Variants in NKAIN1 observed in about 807,000 individuals in gnomAD.
NKAIN1 encodes the protein sodium/potassium transporting ATPase interacting 1.
NKAIN1 carries 13 observed loss-of-function variants against 31.6 expected under a neutral mutation model. The ratio of observed to expected loss-of-function variants is 0.41; its 90% confidence interval spans 0.27 to 0.65. The LOEUF (loss-of-function observed/expected upper bound fraction) is 0.65. Among genes scored for constraint, NKAIN1 ranks in the 30% least tolerant of loss-of-function variants. The pLI is 0.30. For synonymous variants in NKAIN1, 104 were observed against 109.0 expected, an observed-to-expected ratio of 0.95 and a Z score of 0.28; for missense variants, 193 against 262.2, an observed-to-expected ratio of 0.74 and a Z score of 1.82.
At chr1:31,205,617 T>TTG (rs1384656532) in intron 1 of NKAIN1, among the ~76,000 whole-genome samples, 2 of 141,340 alleles carry the variant, frequency 1.4e-5, no homozygotes, top group Non-Finnish European at 3.1e-5. Flanking sequence ...GGACAAGTTT[T>TTG]TTTTTTTTTT....
chr1:31,203,528 A>C (rs946747352), intron 1 of NKAIN1, among the ~76,000 whole-genome samples: 2 of 151,464 alleles, frequency 1.3e-5, no homozygotes, highest in Admixed American at 1.3e-4. Context: ...GAATGGGATT[A>C]TGGGGGCCTT....
intron 3 of NKAIN1, 39 bp downstream of exon 3, chr1:31,185,208 C>A: frequency 6.5e-7 from 1 of 1,549,828 alleles, no homozygotes; most frequent in South Asian, 1.2e-5. Flanking sequence ...TGGGAATGGT[C>A]AGGCTCTGCC....
At chr1:31,196,382 G>A (rs75459161) in intron 1 of NKAIN1, among the ~76,000 whole-genome samples, 2,847 of 151,938 alleles carry the variant, frequency 0.019, 72 homozygotes, top group African/African-American at 0.065. Context: ...GCGTGGTGGC[G>A]GGCGCCTGTA....
chr1:31,196,512 C>A (rs376489258), intron 1 of NKAIN1, among the ~76,000 whole-genome samples: 147 of 91,334 alleles, frequency 1.6e-3, no homozygotes, highest in Middle Eastern at 9.8e-3. Context: ...GACTCCTACT[C>A]AAAAAAAAAA....
chr1:31,185,406 G>A (rs1194327577), intron 2 of NKAIN1, 79 bp from the exon 3 acceptor site: 3 of 1,126,398 alleles, frequency 2.7e-6, no homozygotes, highest in Non-Finnish European at 3.9e-6. Context: ...AGAGCTCAGG[G>A]ATGAGGAGAT....
At position 31,181,751 on chromosome 1, in the gene NKAIN1, A is replaced by C. The variant is rs368424578; in HGVS notation, c.615-39T>G. Reference sequence around the variant, plus strand: ...AGGCAGGTTAGGGAGAGTGGATCCCAAAAGTATGGGGGCGGAGAGACCCGG... The same window carrying C: ...AGGCAGGTTAGGGAGAGTGGATCCCCAAAGTATGGGGGCGGAGAGACCCGG... On this transcript the variant is annotated intron_variant, in intron 6 of 6. Transcript: ENST00000373736. The C allele has an allele frequency of 2.0e-6, 3 of 1,530,084 alleles. No individual in the cohort carries two copies. In the East Asian group the frequency reaches 7.3e-5, roughly 37 times the overall value. The allele number at this position is 1,530,084 out of a possible 1,614,324, so 94.8% of individuals were successfully genotyped here.
chr1:31,226,512 T>C (rs1205134090), intron 1 of NKAIN1, among the ~76,000 whole-genome samples: 1 of 147,764 alleles, frequency 6.8e-6, no homozygotes, highest in Non-Finnish European at 1.5e-5. Context: ...TATGTGCTTG[T>C]TGAAGAAAAT....
At chr1:31,188,216 T>A (rs1480871953) in intron 1 of NKAIN1, 29 bp from the exon 2 acceptor site, 3 of 1,548,744 alleles carry the variant, frequency 1.9e-6, no homozygotes, top group East Asian at 4.9e-5. Context: ...GAGGCCACTG[T>A]CACCCCCCTG....
At chr1:31,237,787 T>C (rs923270362) in intron 1 of NKAIN1, among the ~76,000 whole-genome samples, 2 of 152,178 alleles carry the variant, frequency 1.3e-5, no homozygotes, top group African/African-American at 4.8e-5. Flanking sequence ...TAAGCCACGA[T>C]GCCTGGCCTA....
intron 4 of NKAIN1, among the ~76,000 whole-genome samples, chr1:31,182,962 C>T (rs567419829): frequency 6.7e-6 from 1 of 149,538 alleles, no homozygotes; most frequent in Non-Finnish European, 1.5e-5. Flanking sequence ...TTCTTTCTTT[C>T]TTTTTTTTTT....
chr1:31,231,732 G>T (rs566754140), intron 1 of NKAIN1, among the ~76,000 whole-genome samples: 4 of 151,646 alleles, frequency 2.6e-5, no homozygotes, highest in African/African-American at 7.3e-5. Context: ...GGGTTTCACA[G>T]TGTTAGCCAG....
chr1:31,181,823 C>T (rs1456533828), intron 6 of NKAIN1, 37 bp downstream of exon 6: 2 of 1,584,484 alleles, frequency 1.3e-6, no homozygotes, highest in Non-Finnish European at 1.7e-6. Context: ...ACCCCGACGC[C>T]CAGGCCTCCC....
chr1:31,207,392 A>G (rs1645433366), intron 1 of NKAIN1, among the ~76,000 whole-genome samples: 1 of 152,222 alleles, frequency 6.6e-6, no homozygotes, highest in African/African-American at 2.4e-5. Context: ...AATGTTCAGA[A>G]CACTGCCTGG....
chr1:31,182,465 C>T (rs1013739042), intron 5 of NKAIN1, 65 bp downstream of exon 5: 4 of 1,579,802 alleles, frequency 2.5e-6, no homozygotes, highest in South Asian at 2.2e-5. Flanking sequence ...CAGTCACAGG[C>T]CTCTGTCCAG....
At chr1:31,195,385 G>A (rs1645317316) in intron 1 of NKAIN1, among the ~76,000 whole-genome samples, 1 of 151,904 alleles carries the variant, frequency 6.6e-6, no homozygotes, top group Non-Finnish European at 1.5e-5. Flanking sequence ...GGCTCCCAAA[G>A]TGCTGGAATT....
At chr1:31,230,750 G>A (rs1298111644) in intron 1 of NKAIN1, among the ~76,000 whole-genome samples, 1 of 126,060 alleles carries the variant, frequency 7.9e-6, no homozygotes, top group East Asian at 2.0e-4. Context: ...TACATAGTAG[G>A]TATATATATT....
At chr1:31,222,658 G>A (rs111993176) in intron 1 of NKAIN1, among the ~76,000 whole-genome samples, 2,197 of 152,224 alleles carry the variant, frequency 0.014, 68 homozygotes, top group African/African-American at 0.05. Flanking sequence ...GCTTTTCAAG[G>A]CTCCCCAACA....
chr1:31,203,881 G>A (rs193283741), intron 1 of NKAIN1, among the ~76,000 whole-genome samples: 3 of 152,178 alleles, frequency 2.0e-5, no homozygotes, highest in Admixed American at 2.0e-4. Flanking sequence ...CACTGCGCTC[G>A]GCCTATGAGT....
At chr1:31,207,878 A>G (rs1180725538) in intron 1 of NKAIN1, among the ~76,000 whole-genome samples, 2 of 152,138 alleles carry the variant, frequency 1.3e-5, no homozygotes, top group African/African-American at 4.8e-5. Flanking sequence ...ACATACATGG[A>G]TACTGAGGCC....
Sources: allele counts gnomAD v4.1 joint callset (sites outside exome capture counted in the v4.1 genomes callset), GRCh38; gene constraint gnomAD v4.1.1; transcripts MANE v1.5; gene names NCBI Gene and HGNC (gene_info 2026-07-23, HGNC 2026-07-21).